Variants in RASD2 observed in about 807,000 individuals in gnomAD.
RASD2 encodes the protein RASD family member 2.
In RASD2, 7 loss-of-function variants were observed where a neutral mutation model predicts 15.8. The ratio of observed to expected loss-of-function variants is 0.44; its 90% confidence interval spans 0.25 to 0.83. The LOEUF (loss-of-function observed/expected upper bound fraction) is 0.83. Ranked by LOEUF, RASD2 falls within the 40% of genes least tolerant of loss-of-function variation. RASD2 has a pLI of 0.20. For synonymous variants in RASD2, 155 were observed against 153.6 expected (o/e 1.01, Z -0.07); for missense variants, 274 against 382.8 (o/e 0.72, Z 2.37).
rs1408370485 is a variant in RASD2, at chr22:35,546,797, G to T, written c.-9-4G>T. 1.2e-6 allele frequency: 2 copies of T among 1,611,332 alleles called. No individual in the cohort carries two copies. The highest frequency in any genetic ancestry group is 1.7e-6 in the Non-Finnish European group (2 of 1,178,542). On this transcript the variant is annotated splice_region_variant and splice_polypyrimidine_tract_variant and intron_variant, in intron 1 of 2. Coordinates refer to ENST00000216127, the MANE Select transcript of RASD2 (RefSeq NM_014310.4). Reference sequence around the variant, plus strand: ...TGATGCCTGCTTCTCTCGCTTTGTTGCAGCCCCGAGCCATGATGAAGACTT... The same window carrying T: ...TGATGCCTGCTTCTCTCGCTTTGTTTCAGCCCCGAGCCATGATGAAGACTT...
intron 1 of RASD2, among the ~76,000 whole-genome samples, chr22:35,543,419 A>C (rs1380194990): frequency 1.3e-5 from 2 of 150,280 alleles, no homozygotes; most frequent in African/African-American, 4.9e-5. Context: ...AAATCCATTC[A>C]GTCACTGATA....
Position 35,546,755 on chromosome 22 carries a change from C to G in RASD2, c.-9-46C>G, listed in dbSNP as rs2145872949. 1.9e-6 allele frequency: 3 copies of G among 1,582,758 alleles called. No homozygotes were observed. The East Asian group carries it at 6.8e-5, about 36-fold the overall frequency. ...TAGAGGAGGCCAAGAGGTGGTGGGG[C>G]CAGGTCGGGGGGGCCCTGATGCCTG... On this transcript the variant is annotated intron_variant, in intron 1 of 2. Coordinates refer to ENST00000216127, the MANE Select transcript of RASD2 (RefSeq NM_014310.4).
chr22:35,551,379 T>G lies in RASD2; in HGVS notation c.272-124T>G. Reference sequence around the variant, plus strand: ...GAGTCGCTGTGTAGGTTAAAGCAGTTATGCCGCATAACTGCTTCAGGGCAC... The same window carrying G: ...GAGTCGCTGTGTAGGTTAAAGCAGTGATGCCGCATAACTGCTTCAGGGCAC... On this transcript the variant is annotated intron_variant, in intron 2 of 2. Transcript: ENST00000216127. This position sits in a 1 kb window ranked among gnomAD's most constrained non-coding sequence, Gnocchi z 4.9. The G allele has an allele frequency of 2.2e-6, 2 of 916,534 alleles. No individual in the cohort carries two copies. The highest frequency in any genetic ancestry group is 3.2e-5 in the South Asian group (2 of 62,034). 56.8% of individuals were successfully genotyped at this position (916,534 alleles called of 1,614,324 possible).
chr22:35,534,212 C>A, the RASD2 span, among the ~76,000 whole-genome samples: 1 of 152,194 alleles, frequency 6.6e-6, no homozygotes, highest in South Asian at 2.1e-4. Context: ...CCTGTAAAAC[C>A]GAAACAAGAA....
chr22:35,547,691 T>G (rs930669793), intron 2 of RASD2, among the ~76,000 whole-genome samples: 40 of 152,326 alleles, frequency 2.6e-4, no homozygotes, highest in South Asian at 4.1e-4. Flanking sequence ...CTCGGCTCAC[T>G]GCAACCTCTG....
At chr22:35,550,038 A>G (rs1385488069) in intron 2 of RASD2, among the ~76,000 whole-genome samples, 4 of 152,152 alleles carry the variant, frequency 2.6e-5, no homozygotes, top group Non-Finnish European at 5.9e-5. Flanking sequence ...AGGTGGGCAG[A>G]TCTCTTGAGG....
At chr22:35,546,755 C>A in intron 1 of RASD2, 46 bp from the exon 2 acceptor site, 15 of 1,582,756 alleles carry the variant, frequency 9.5e-6, no homozygotes, top group Non-Finnish European at 1.3e-5. Context: ...GGTGGTGGGG[C>A]CAGGTCGGGG....
chr22:35,534,003 A>G, the RASD2 span, among the ~76,000 whole-genome samples: 1 of 152,032 alleles, frequency 6.6e-6, no homozygotes, highest in Admixed American at 6.6e-5. Context: ...GATGATGGTG[A>G]TAGTGATGGT....
At position 35,551,970 on chromosome 22, in the gene RASD2, A is replaced by C. The variant is rs1934682754; in HGVS notation, c.739A>C (p.Ile247Leu). 3 of 1,603,140 alleles carry C rather than the reference A, an allele frequency of 1.9e-6. No homozygotes were observed. Among genetic ancestry groups the C allele is most frequent in the South Asian group, 2.2e-5 (2 of 91,092 alleles). The change falls in exon 3 of 3, where the codon ATC becomes CTC. Residue 247 changes from isoleucine (I) to leucine (L), a missense_variant. Ile to Leu is a conservative substitution (Grantham distance 5, BLOSUM62 2). Transcript: ENST00000216127. The surrounding 1 kb of genome is among the most constrained non-coding windows in gnomAD (Gnocchi z 4.9). ...RPSVNSDLKYIKAKVLREGQA... is the reference protein window; with the variant it reads ...RPSVNSDLKYLKAKVLREGQA... ...CAGCGTCAACAGTGACCTCAAGTAC[A>C]TCAAGGCCAAGGTCCTTCGGGAAGG... is the stretch of plus-strand genomic sequence containing the variant.
chr22:35,552,661 CT>C lies in RASD2; in HGVS notation c.*630del, dbSNP rs1387428831. 1.1e-4 allele frequency: 17 copies of C among 153,268 alleles called. No individual in the cohort carries two copies. The highest frequency in any genetic ancestry group is 3.6e-4 in the African/African-American group (15 of 41,438). 9.5% of individuals were successfully genotyped at this position (153,268 alleles called of 1,614,324 possible). ...CGCCCACCACTTAGACCACGCCCAC[CT>C]CCTGACCGCGTTCCTCAGCCTCCTC... On this transcript the variant is annotated 3_prime_UTR_variant, in exon 3 of 3. Transcript: ENST00000216127.
chr22:35,538,291 C>A (rs1413178470), upstream of RASD2, among the ~76,000 whole-genome samples: 1 of 152,028 alleles, frequency 6.6e-6, no homozygotes, highest in African/African-American at 2.4e-5. Flanking sequence ...ATATCTTAAG[C>A]AATGGGGAGC....
rs2145866537 is a variant in RASD2, at chr22:35,540,957, G to T, written c.-553G>T. The T allele has an allele frequency of 6.6e-6, 1 of 152,462 alleles. No individual in the cohort carries two copies. Among genetic ancestry groups the T allele is most frequent in the Admixed American group, 6.5e-5 (1 of 15,294 alleles). The allele number at this position is 152,462 out of a possible 1,614,324, so 9.4% of individuals were successfully genotyped here. A position where few individuals can be genotyped will look rare whatever the true frequency, so the allele number is the denominator to read the frequency against. On this transcript the variant is annotated 5_prime_UTR_variant, in exon 1 of 3. Transcript: ENST00000216127. ...AGGCCGCGGCCGAGCCCGGCAGCCC[G>T]ATACCCCCCATCCGAGCGACCCCCT...
chr22:35,545,052 C>T (rs1440402355), intron 1 of RASD2, among the ~76,000 whole-genome samples: 1 of 152,184 alleles, frequency 6.6e-6, no homozygotes, highest in African/African-American at 2.4e-5. Flanking sequence ...TTATTGTGCA[C>T]GTCCCTTTGT....
upstream of RASD2, among the ~76,000 whole-genome samples, chr22:35,536,687 C>T (rs1483576832): frequency 1.3e-5 from 2 of 152,208 alleles, no homozygotes; most frequent in Non-Finnish European, 2.9e-5. Flanking sequence ...TCGCCAACTT[C>T]AATCTTCTGG....
chr22:35,544,058 A>T (rs1316474180), intron 1 of RASD2, among the ~76,000 whole-genome samples: 1 of 151,600 alleles, frequency 6.6e-6, no homozygotes, highest in Non-Finnish European at 1.5e-5. Context: ...CCTCTCTCTG[A>T]CTCCCTGAAG....
In RASD2 at chr22:35,541,509, C is replaced by G. The variant is rs961073379; in HGVS notation, c.-10+9C>G. On this transcript the variant is annotated intron_variant, in intron 1 of 2. Transcript: ENST00000216127. ...CGGCCCGCCATTCCCAGGTAGGAGA[C>G]GCCCCAACAGAGCTGGGCATCTGGG... is the stretch of plus-strand genomic sequence containing the variant. The G allele has an allele frequency of 1.3e-5, 2 of 152,216 alleles. No homozygotes were observed. The highest frequency in any genetic ancestry group is 2.9e-5 in the Non-Finnish European group (2 of 68,066). 9.4% of individuals were successfully genotyped at this position (152,216 alleles called of 1,614,324 possible).
At chr22:35,535,768 G>C in the RASD2 span, among the ~76,000 whole-genome samples, 2 of 152,202 alleles carry the variant, frequency 1.3e-5, no homozygotes, top group Non-Finnish European at 2.9e-5. Context: ...GCATAAAGGA[G>C]GGGAGGAAGA....
At position 35,552,107 on chromosome 22, in the gene RASD2, C is replaced by T. The variant is rs1934687069; in HGVS notation, c.*75C>T. 1 of 1,492,544 alleles carries T rather than the reference C, an allele frequency of 6.7e-7. No homozygotes were observed. Among genetic ancestry groups the T allele is most frequent in the African/African-American group, 1.4e-5 (1 of 72,236 alleles). 92.5% of individuals were successfully genotyped at this position (1,492,544 alleles called of 1,614,324 possible). A position where few individuals can be genotyped will look rare whatever the true frequency, so the allele number is the denominator to read the frequency against. On this transcript the variant is annotated 3_prime_UTR_variant, in exon 3 of 3. Coordinates refer to ENST00000216127, the MANE Select transcript of RASD2 (RefSeq NM_014310.4). Reference sequence around the variant, plus strand: ...CCAGATGCCCACTGTGCGCATCTCCCCACCGAGGCCCCGGCAGCAGTCTTG... The same window carrying T: ...CCAGATGCCCACTGTGCGCATCTCCTCACCGAGGCCCCGGCAGCAGTCTTG...
upstream of RASD2, among the ~76,000 whole-genome samples, chr22:35,539,359 C>A (rs1207410390): frequency 3.9e-5 from 6 of 152,182 alleles, no homozygotes; most frequent in Admixed American, 2.6e-4. Context: ...CAGACCCCTG[C>A]GTCCTCTCAT....
Sources: allele counts gnomAD v4.1 joint callset (sites outside exome capture counted in the v4.1 genomes callset), GRCh38; gene constraint gnomAD v4.1.1; non-coding constraint Gnocchi (gnomAD v3.1); transcripts MANE v1.5; gene names NCBI Gene and HGNC (gene_info 2026-07-23, HGNC 2026-07-21).